Variants in PLEKHA5 observed in about 807,000 individuals in gnomAD.
PLEKHA5 encodes pleckstrin homology domain-containing family A member 5.
In PLEKHA5, 55 loss-of-function variants were observed where a neutral mutation model predicts 181.9. The observed-to-expected ratio is 0.30, with a 90% confidence interval of 0.24 to 0.38. PLEKHA5 has a LOEUF of 0.38. PLEKHA5 is among the 10% of genes least tolerant of loss of function. PLEKHA5 has a pLI of 1.00. For missense variants in PLEKHA5, 1,432 were observed against 1,549.5 expected (o/e 0.92, Z 1.27); for synonymous variants, 535 against 529.4 (o/e 1.01, Z -0.15).
intron 3 of PLEKHA5, among the ~76,000 whole-genome samples, chr12:19,212,822 G>A (rs760080410): frequency 3.1e-4 from 37 of 118,630 alleles, no homozygotes; most frequent in Non-Finnish European, 3.8e-4. Flanking sequence ...ATGAGAGTGG[G>A]TTTTTTTTTG....
intron 3 of PLEKHA5, among the ~76,000 whole-genome samples, chr12:19,180,138 A>G (rs1429745200): frequency 2.0e-5 from 3 of 152,218 alleles, no homozygotes; most frequent in Non-Finnish European, 2.9e-5. Context: ...ATTATTTTTT[A>G]GAGCACGGAA....
chr12:19,318,752 G>A (rs12818989), intron 16 of PLEKHA5, among the ~76,000 whole-genome samples: 13,751 of 151,986 alleles, frequency 0.09, 686 homozygotes, highest in Middle Eastern at 0.18. Context: ...GTGAAACCCC[G>A]TCTCTATTAA....
chr12:19,203,103 G>C (rs2054566739), intron 3 of PLEKHA5, among the ~76,000 whole-genome samples: 1 of 152,098 alleles, frequency 6.6e-6, no homozygotes, highest in African/African-American at 2.4e-5. Context: ...GTAATTACAA[G>C]ATGATCTCAA....
At chr12:19,294,469 C>G (rs1303215437) in intron 15 of PLEKHA5, among the ~76,000 whole-genome samples, 4 of 152,106 alleles carry the variant, frequency 2.6e-5, no homozygotes, top group Non-Finnish European at 5.9e-5. Context: ...GGAAAAGGCT[C>G]TGGTCACATT....
chr12:19,210,365 C>A (rs890568540), intron 3 of PLEKHA5, among the ~76,000 whole-genome samples: 1 of 152,104 alleles, frequency 6.6e-6, no homozygotes, highest in Non-Finnish European at 1.5e-5. Context: ...GACTGTAAAT[C>A]CAGAACAGAG....
At chr12:19,309,588 T>A (rs935711768) in intron 15 of PLEKHA5, among the ~76,000 whole-genome samples, 1 of 151,942 alleles carries the variant, frequency 6.6e-6, no homozygotes, top group South Asian at 2.1e-4. Flanking sequence ...AAACCCCGTC[T>A]TTACTAAAAA....
At chr12:19,222,379 G>GC (rs1367809633) in intron 3 of PLEKHA5, among the ~76,000 whole-genome samples, 2 of 152,018 alleles carry the variant, frequency 1.3e-5, no homozygotes, top group Non-Finnish European at 2.9e-5. Flanking sequence ...GTTTCCCTTT[G>GC]CAAATGTAAG....
At chr12:19,262,793 A>C (rs1445532132) in intron 7 of PLEKHA5, among the ~76,000 whole-genome samples, 1 of 152,176 alleles carries the variant, frequency 6.6e-6, no homozygotes, top group Non-Finnish European at 1.5e-5. Context: ...TGGGAGACTG[A>C]TTCATTTGTA....
Position 19,257,437 on chromosome 12 carries a change from C to T in PLEKHA5, c.437C>T (p.Ser146Leu). ...TCATGCTCTTTTTCTATTTAGACTT[C>T]ACGAGCTTCAAAAAAAGTTCATAAT... is the stretch of plus-strand genomic sequence containing the variant. ...VHPMSPVGRT[S>L]RASKKVHNFG... The change falls in exon 6 of 32, where the codon TCA becomes TTA. Residue 146 changes from serine to leucine, a missense_variant. Ser to Leu is a moderately radical substitution (Grantham distance 145). Around this residue, in one of 2 missense-constraint regions of PLEKHA5, gnomAD observed 289 missense variants for 381.1 expected, o/e 0.76. Transcript: ENST00000429027. The T allele has an allele frequency of 6.5e-7, 1 of 1,532,260 alleles. No homozygotes were observed. The highest frequency in any genetic ancestry group is 9.0e-7 in the Non-Finnish European group (1 of 1,109,162). The allele number at this position is 1,532,260 out of a possible 1,614,324, so 94.9% of individuals were successfully genotyped here.
chr12:19,359,360 TATAC>T, intron 27 of PLEKHA5, 48 bp from the exon 28 acceptor site: 2 of 1,478,348 alleles, frequency 1.4e-6, no homozygotes, highest in Non-Finnish European at 1.8e-6. Context: ...ATTTATAAAA[TATAC>T]ATGCATGCAC....
intron 30 of PLEKHA5, among the ~76,000 whole-genome samples, chr12:19,368,869 A>G (rs1212355367): frequency 6.6e-6 from 1 of 152,082 alleles, no homozygotes; most frequent in Non-Finnish European, 1.5e-5. Context: ...AGTTTTGGTT[A>G]TTATGCAGCA....
At chr12:19,230,903 A>G (rs1433747360) in intron 3 of PLEKHA5, among the ~76,000 whole-genome samples, 2 of 152,306 alleles carry the variant, frequency 1.3e-5, no homozygotes, top group East Asian at 1.9e-4. Flanking sequence ...CCACACTGTC[A>G]CCTCTCAATA....
intron 10 of PLEKHA5, among the ~76,000 whole-genome samples, chr12:19,272,816 C>T (rs1264585786): frequency 6.6e-6 from 1 of 152,124 alleles, no homozygotes; most frequent in South Asian, 2.1e-4. Context: ...TTTTAAAAAT[C>T]TTTTCAGTTA....
At chr12:19,247,453 G>A (rs2064025657) in intron 3 of PLEKHA5, among the ~76,000 whole-genome samples, 2 of 152,106 alleles carry the variant, frequency 1.3e-5, no homozygotes, top group Admixed American at 6.6e-5. Context: ...AAAGGAATTA[G>A]GTAGACTAAT....
intron 26 of PLEKHA5, among the ~76,000 whole-genome samples, chr12:19,357,524 G>A (rs2417781): frequency 0.023 from 3,486 of 152,262 alleles, 67 homozygotes; most frequent in East Asian, 0.054. Context: ...GGGATTATAG[G>A]CGTGAGCCAC....
intron 3 of PLEKHA5, among the ~76,000 whole-genome samples, chr12:19,212,039 G>T (rs1565472090): frequency 2.0e-5 from 3 of 152,168 alleles, no homozygotes; most frequent in Admixed American, 6.5e-5. Context: ...TGAGCCTAGT[G>T]CAGGAGCTCA....
chr12:19,300,004 G>A lies in PLEKHA5; in HGVS notation c.2037+8307G>A, dbSNP rs145987542. 4.7e-3 allele frequency among the ~76,000 whole-genome samples: 712 copies of A among 152,236 alleles called. 3 individuals are homozygous for A. Among genetic ancestry groups the A allele is most frequent in the African/African-American group, 0.016 (662 of 41,516 alleles). ...TTCTCAGATACTTCCAAAGCACTCC[G>A]TTCTCTGCATGGTGTACCTGTGTAG... On this transcript the variant is annotated intron_variant, in intron 15 of 31. Coordinates refer to ENST00000429027, the MANE Select transcript of PLEKHA5 (RefSeq NM_001256470.2).
chr12:19,271,522 C>T (rs2072783149), intron 10 of PLEKHA5, among the ~76,000 whole-genome samples: 1 of 151,990 alleles, frequency 6.6e-6, no homozygotes, highest in Admixed American at 6.6e-5. Flanking sequence ...AAAAATAAAA[C>T]TTCAATACTT....
chr12:19,231,622 A>ATATATGTATATATATTTATAT (rs1565495151), intron 3 of PLEKHA5, among the ~76,000 whole-genome samples: 1 of 142,978 alleles, frequency 7.0e-6, no homozygotes, highest in Admixed American at 7.1e-5. Flanking sequence ...AAATACTCAT[A>ATATATGTATATATATTTATAT]AAGCTTGAGT....
Sources: allele counts gnomAD v4.1 joint callset (sites outside exome capture counted in the v4.1 genomes callset), GRCh38; gene constraint gnomAD v4.1.1; regional missense constraint gnomAD v4.1.1; transcripts MANE v1.5; gene names NCBI Gene and HGNC (gene_info 2026-07-23, HGNC 2026-07-21).